Variants in RNGTT observed in about 807,000 individuals in gnomAD.
RNGTT encodes mRNA-capping enzyme.
In RNGTT, 33 loss-of-function variants were observed where a neutral mutation model predicts 79.3. The ratio of observed to expected loss-of-function variants is 0.42; its 90% CI spans 0.32 to 0.56. The LOEUF is 0.56. RNGTT is among the 20% of genes least tolerant of loss of function. The pLI is 0.17. For missense variants in RNGTT, 497 were observed against 739.1 expected (o/e 0.67, Z 3.80); for synonymous variants, 222 against 235.9 (o/e 0.94, Z 0.54).
chr6:88,724,408 G>C (rs532483440), intron 13 of RNGTT, among the ~76,000 whole-genome samples: 1 of 152,134 alleles, frequency 6.6e-6, no homozygotes, highest in Non-Finnish European at 1.5e-5. Context: ...ACAATATTTA[G>C]TATAGTAATA....
intron 13 of RNGTT, among the ~76,000 whole-genome samples, chr6:88,721,975 G>A (rs903740767): frequency 2.0e-5 from 3 of 151,432 alleles, no homozygotes; most frequent in African/African-American, 2.4e-5. Flanking sequence ...CTAAGACATT[G>A]GCTATGTCTA....
chr6:88,872,918 T>C (rs1327581440), intron 8 of RNGTT, among the ~76,000 whole-genome samples: 5 of 151,974 alleles, frequency 3.3e-5, no homozygotes, highest in Admixed American at 2.6e-4. Context: ...CAGTGACATA[T>C]GGACTGAAAA....
chr6:88,742,672 A>G (rs1164336492), intron 13 of RNGTT, among the ~76,000 whole-genome samples: 1 of 152,204 alleles, frequency 6.6e-6, no homozygotes, highest in Non-Finnish European at 1.5e-5. Context: ...CAGGTAGGAG[A>G]GAAAATTTAC....
chr6:88,917,502 A>C (rs1190321231), intron 4 of RNGTT, among the ~76,000 whole-genome samples: 1 of 152,244 alleles, frequency 6.6e-6, no homozygotes, highest in African/African-American at 2.4e-5. Context: ...TCCTAAAAAA[A>C]CCTGTGAAAC....
chr6:88,699,814 C>CA (rs1164276984), intron 13 of RNGTT, among the ~76,000 whole-genome samples: 6 of 152,034 alleles, frequency 3.9e-5, no homozygotes, highest in Non-Finnish European at 7.4e-5. Flanking sequence ...AAGTCAGACA[C>CA]AAAAAGACAA....
chr6:88,675,090 T>A (rs185813366), intron 14 of RNGTT, among the ~76,000 whole-genome samples: 14 of 140,062 alleles, frequency 1.0e-4, no homozygotes, highest in African/African-American at 3.8e-4. Context: ...AGAGTGAGAC[T>A]CCGTCTCAGA....
chr6:88,895,227 C>CTG (rs1491242715), intron 6 of RNGTT, among the ~76,000 whole-genome samples: 215 of 101,532 alleles, frequency 2.1e-3, no homozygotes, highest in East Asian at 7.9e-3. Flanking sequence ...TGAGAGAGAG[C>CTG]TCTGTGTGTG....
chr6:88,943,462 T>C (rs1784912777), intron 1 of RNGTT, among the ~76,000 whole-genome samples: 1 of 152,090 alleles, frequency 6.6e-6, no homozygotes. Context: ...CACCAACATC[T>C]GATTTAGGTT....
At chr6:88,949,471 C>G (rs1183980005) in intron 1 of RNGTT, among the ~76,000 whole-genome samples, 7 of 151,956 alleles carry the variant, frequency 4.6e-5, no homozygotes, top group Admixed American at 1.3e-4. Flanking sequence ...ACCATATTGG[C>G]CAGGCTGGTC....
intron 2 of RNGTT, among the ~76,000 whole-genome samples, chr6:88,934,518 TC>T (rs1430810075): frequency 5.9e-5 from 9 of 152,358 alleles, no homozygotes; most frequent in Non-Finnish European, 1.0e-4. Context: ...GGGATTTTTT[TC>T]CTGTTGTTTC....
At chr6:88,839,606 A>T (rs376846791) in intron 11 of RNGTT, among the ~76,000 whole-genome samples, 29 of 152,268 alleles carry the variant, frequency 1.9e-4, no homozygotes, top group African/African-American at 6.7e-4. Flanking sequence ...TTATGGAGAT[A>T]GTAAGAATAT....
chr6:88,778,717 C>T (rs1562248286), intron 12 of RNGTT, among the ~76,000 whole-genome samples: 1 of 152,104 alleles, frequency 6.6e-6, no homozygotes, highest in Non-Finnish European at 1.5e-5. Flanking sequence ...TTGCTTACTT[C>T]AAACGGAAGT....
chr6:88,632,821 T>C (rs1206630740), intron 14 of RNGTT, among the ~76,000 whole-genome samples: 2 of 152,200 alleles, frequency 1.3e-5, no homozygotes, highest in African/African-American at 4.8e-5. Flanking sequence ...TTGAATTTTA[T>C]AAACAATAAA....
intron 14 of RNGTT, among the ~76,000 whole-genome samples, chr6:88,616,225 C>T (rs181673579): frequency 1.3e-5 from 2 of 152,300 alleles, no homozygotes; most frequent in Admixed American, 6.5e-5. Context: ...TGTATGTATA[C>T]ACCACATTTT....
chr6:88,709,885 T>A (rs1241138971), intron 13 of RNGTT, among the ~76,000 whole-genome samples: 1 of 152,210 alleles, frequency 6.6e-6, no homozygotes, highest in Non-Finnish European at 1.5e-5. Flanking sequence ...GTTTCCCTCA[T>A]TCAGCCTTGT....
intron 13 of RNGTT, among the ~76,000 whole-genome samples, chr6:88,741,851 T>C (rs1185609243): frequency 6.6e-6 from 1 of 152,232 alleles, no homozygotes; most frequent in Non-Finnish European, 1.5e-5. Flanking sequence ...CTCATAAATA[T>C]ATACTAGCTT....
rs573382525 is a variant in RNGTT at position 88,730,606 on chromosome 6, T to G, written c.1439+39168A>C. Among the ~76,000 whole-genome samples the G allele has an allele frequency of 3.5e-4, 53 of 152,368 alleles. No individual in the cohort carries two copies. The Middle Eastern group carries it at 0.01, about 29-fold the overall frequency. Reference sequence around the variant, plus strand: ...CAAGAATCTAAGGCTGCCACTGATCTGACAGCAGGCGGAGCTCAGGCGGTA... The same window carrying G: ...CAAGAATCTAAGGCTGCCACTGATCGGACAGCAGGCGGAGCTCAGGCGGTA... On this transcript the variant is annotated intron_variant, in intron 13 of 15. Coordinates refer to ENST00000369485, the MANE Select transcript of RNGTT (RefSeq NM_003800.5).
chr6:88,617,121 T>G (rs1431525595), intron 14 of RNGTT, among the ~76,000 whole-genome samples: 1 of 152,126 alleles, frequency 6.6e-6, no homozygotes, highest in Admixed American at 6.5e-5. Flanking sequence ...TACAAAAAGA[T>G]TAGCCGGGCG....
intron 11 of RNGTT, among the ~76,000 whole-genome samples, chr6:88,824,430 C>T (rs1780589711): frequency 6.6e-6 from 1 of 152,184 alleles, no homozygotes. Context: ...ATTATATATG[C>T]AGTCCAAAGT....
Sources: gnomAD v4.1 joint callset for allele counts (sites outside exome capture counted in the v4.1 genomes callset) on GRCh38, gnomAD v4.1.1 for gene constraint, MANE v1.5 for transcripts, NCBI Gene and HGNC (gene_info 2026-07-23, HGNC 2026-07-21) for gene names.